The following MYO9A variants were observed in gnomAD, a reference collection of about 807,000 sequenced individuals.
MYO9A encodes unconventional myosin-IXa.
Under a neutral mutation model 293.3 loss-of-function variants are expected in MYO9A, and 103 were observed. The ratio of observed to expected loss-of-function variants is 0.35; its 90% CI spans 0.30 to 0.41. MYO9A has a LOEUF of 0.41. Among genes scored for constraint, MYO9A ranks in the 10% least tolerant of loss-of-function variants. The pLI is 1.00. For missense variants in MYO9A, 2,685 were observed against 3,033.0 expected, an observed-to-expected ratio of 0.89 and a Z score of 2.69; for synonymous variants, 1,001 against 1,035.7, an observed-to-expected ratio of 0.97 and a Z score of 0.64.
intron 39 of MYO9A, among the ~76,000 whole-genome samples, chr15:71,845,259 C>G (rs1232873548): frequency 6.8e-6 from 1 of 147,508 alleles, no homozygotes; most frequent in East Asian, 1.9e-4. Context: ...CCAATGCCTG[C>G]AGTTATGGTT....
intron 18 of MYO9A, among the ~76,000 whole-genome samples, chr15:71,918,677 G>A (rs1273948461): frequency 6.6e-6 from 1 of 152,140 alleles, no homozygotes; most frequent in Non-Finnish European, 1.5e-5. Context: ...TTACCCTTAT[G>A]TGAAAACAAA....
intron 7 of MYO9A, among the ~76,000 whole-genome samples, 186 bp downstream of exon 7, chr15:72,010,164 C>G (rs2077131894): frequency 6.6e-6 from 1 of 152,114 alleles, no homozygotes; most frequent in African/African-American, 2.4e-5. Flanking sequence ...ACAGTGTCAG[C>G]TTTCATCAGA....
At chr15:71,968,955 C>T (rs2075944588) in intron 12 of MYO9A, among the ~76,000 whole-genome samples, 1 of 152,092 alleles carries the variant, frequency 6.6e-6, no homozygotes, top group Non-Finnish European at 1.5e-5. Flanking sequence ...AAAAATCATT[C>T]CAAAATTACA....
intron 6 of MYO9A, among the ~76,000 whole-genome samples, chr15:72,017,010 CTTTTTTT>C (rs61153023): frequency 8.2e-4 from 48 of 58,282 alleles, no homozygotes; most frequent in Admixed American, 1.9e-3. Context: ...GAGCCCAAAT[CTTTTTTT>C]TTTTTTTTTT....
chr15:72,097,945 AAAG>A (rs917088609), intron 1 of MYO9A, among the ~76,000 whole-genome samples: 25 of 152,204 alleles, frequency 1.6e-4, no homozygotes, highest in Admixed American at 3.3e-4. Context: ...TTTTTAAAAA[AAAG>A]AAGAAACAGA....
At chr15:72,050,269 C>G (rs1203706543) in intron 1 of MYO9A, among the ~76,000 whole-genome samples, 1 of 152,068 alleles carries the variant, frequency 6.6e-6, no homozygotes, top group African/African-American at 2.4e-5. Context: ...ACTTGCAAAT[C>G]CGAGACATGA....
chr15:71,992,318 CA>C (rs2076564842), intron 10 of MYO9A, among the ~76,000 whole-genome samples: 1 of 152,150 alleles, frequency 6.6e-6, no homozygotes, highest in Non-Finnish European at 1.5e-5. Flanking sequence ...TGCATATGAA[CA>C]CTTTTCTCAC....
chr15:71,949,336 TG>T (rs1267317736), intron 15 of MYO9A, among the ~76,000 whole-genome samples: 1 of 152,020 alleles, frequency 6.6e-6, no homozygotes, highest in Admixed American at 6.6e-5. Context: ...ACGAGGAGGC[TG>T]GGATTACAGG....
chr15:71,940,953 G>A (rs2058758050), intron 15 of MYO9A, among the ~76,000 whole-genome samples: 1 of 151,846 alleles, frequency 6.6e-6, no homozygotes, highest in African/African-American at 2.4e-5. Flanking sequence ...AGAGACAGAA[G>A]AAAGGAGGAG....
chr15:72,029,729 T>C (rs1337978457), intron 3 of MYO9A, among the ~76,000 whole-genome samples: 1 of 152,216 alleles, frequency 6.6e-6, no homozygotes, highest in Non-Finnish European at 1.5e-5. Flanking sequence ...TATTTTTTTC[T>C]CTTTATCCAG....
rs1183071745 is a variant in MYO9A at position 71,941,095 on chromosome 15, T to C, written c.2303-2168A>G. Among the ~76,000 whole-genome samples the C allele has an allele frequency of 5.9e-5, 9 of 152,082 alleles. 1 individual carries two copies. Among genetic ancestry groups the C allele is most frequent in the Non-Finnish European group, 1.2e-4 (8 of 68,006 alleles). ...AAACACTTATGATGGATCACTCAGA[T>C]TAAAAAATGAAGCCCTGTGTAGCTC... On this transcript the variant is annotated intron_variant, in intron 15 of 41. Transcript: ENST00000356056.
chr15:72,028,445 C>A (rs1365164416), intron 3 of MYO9A, among the ~76,000 whole-genome samples: 1 of 151,034 alleles, frequency 6.6e-6, no homozygotes, highest in Non-Finnish European at 1.5e-5. Context: ...GTCAGGAGTT[C>A]GAGACCAGCC....
chr15:72,025,579 A>G (rs1027848820), intron 4 of MYO9A, among the ~76,000 whole-genome samples: 6 of 152,080 alleles, frequency 3.9e-5, no homozygotes, highest in African/African-American at 1.4e-4. Flanking sequence ...AAAACTCCTC[A>G]TCTCAAATGA....
At chr15:71,852,300 T>C (rs753344195) in intron 35 of MYO9A, 40 bp from the exon 36 acceptor site, 12 of 1,552,624 alleles carry the variant, frequency 7.7e-6, no homozygotes, top group Admixed American at 1.8e-5. Context: ...AGCCAAAACA[T>C]GCAAAGAGAT....
At chr15:71,885,466 C>T (rs750408042) in intron 27 of MYO9A, among the ~76,000 whole-genome samples, 1 of 151,996 alleles carries the variant, frequency 6.6e-6, no homozygotes, top group Non-Finnish European at 1.5e-5. Context: ...TATCAACTCT[C>T]AATACATTCA....
chr15:72,020,480 G>A (rs1160042269), intron 5 of MYO9A, among the ~76,000 whole-genome samples: 1 of 152,146 alleles, frequency 6.6e-6, no homozygotes, highest in Non-Finnish European at 1.5e-5. Flanking sequence ...CTAAGTCAGT[G>A]TCATAGTATC....
intron 40 of MYO9A, among the ~76,000 whole-genome samples, chr15:71,828,716 T>C (rs2054606479): frequency 2.0e-5 from 3 of 152,212 alleles, no homozygotes; most frequent in Admixed American, 2.0e-4. Context: ...CATCACCTGA[T>C]CTATTCAATT....
intron 18 of MYO9A, among the ~76,000 whole-genome samples, chr15:71,928,903 G>A (rs1296182116): frequency 2.8e-5 from 4 of 144,144 alleles, no homozygotes; most frequent in African/African-American, 2.6e-5. Context: ...ATCTCTACGA[G>A]AAAAAAAAAA....
intron 33 of MYO9A, 33 bp from the exon 34 acceptor site, chr15:71,859,829 G>T (rs1390385662): frequency 3.8e-6 from 6 of 1,577,644 alleles, no homozygotes; most frequent in Non-Finnish European, 5.2e-6. Context: ...AACATTTTTA[G>T]AAGTCTGTAC....
Sources: allele counts gnomAD v4.1 joint callset (sites outside exome capture counted in the v4.1 genomes callset), GRCh38; gene constraint gnomAD v4.1.1; transcripts MANE v1.5; gene names NCBI Gene and HGNC (gene_info 2026-07-23, HGNC 2026-07-21).